Variants in ZNF208 observed in about 807,000 individuals in gnomAD.
ZNF208 encodes zinc finger protein 95.
ZNF208 carries 10 observed loss-of-function variants against 12.1 expected under a neutral mutation model. That is an observed-to-expected ratio of 0.83 (90% CI 0.51 to 1.40). The LOEUF (loss-of-function observed/expected upper bound fraction) is 1.40. Among genes scored for constraint, ZNF208 ranks in the 40% most tolerant of loss-of-function variants. ZNF208 has a pLI of 0.00. For missense variants in ZNF208, 1,652 were observed against 1,485.0 expected, an observed-to-expected ratio of 1.11 and a Z score of -1.85; for synonymous variants, 497 against 488.4, an observed-to-expected ratio of 1.02 and a Z score of -0.23.
intron 1 of ZNF208, among the ~76,000 whole-genome samples, chr19:21,990,509 T>G (rs1970713319): frequency 6.6e-6 from 1 of 152,006 alleles, no homozygotes. Context: ...TGTAGTATAG[T>G]TTGAAGTCAG....
At chr19:21,963,621 A>C (rs1970114268), downstream of ZNF208, among the ~76,000 whole-genome samples, 1 of 151,950 alleles carries the variant, frequency 6.6e-6, no homozygotes, top group African/African-American at 2.4e-5. Flanking sequence ...TTGAACTGTC[A>C]TTTGCATAGC....
At chr19:21,976,441 TGA>T (rs1284279152) in intron 3 of ZNF208, among the ~76,000 whole-genome samples, 4 of 151,694 alleles carry the variant, frequency 2.6e-5, no homozygotes, top group African/African-American at 4.9e-5. Context: ...AAAGAGAAAA[TGA>T]GAGACAAGAT....
chr19:22,009,174 T>C (rs1383153634), intron 1 of ZNF208, among the ~76,000 whole-genome samples: 1 of 152,130 alleles, frequency 6.6e-6, no homozygotes, highest in Non-Finnish European at 1.5e-5. Context: ...CAAAAAATGA[T>C]TACAATAGGT....
chr19:21,981,417 A>G (rs1970535486), intron 3 of ZNF208, among the ~76,000 whole-genome samples: 1 of 152,188 alleles, frequency 6.6e-6, no homozygotes, highest in South Asian at 2.1e-4. Flanking sequence ...ACACAAATCA[A>G]TAAACATAAT....
chr19:21,949,697 A>G (rs1397985623), intron 4 of ZNF208, among the ~76,000 whole-genome samples: 1 of 152,152 alleles, frequency 6.6e-6, no homozygotes, highest in Admixed American at 6.5e-5. Context: ...GAAGTTAATG[A>G]CCCTGGGAGT....
At chr19:21,956,813 C>T (rs112882159) in intron 4 of ZNF208, among the ~76,000 whole-genome samples, 6 of 152,124 alleles carry the variant, frequency 3.9e-5, no homozygotes, top group African/African-American at 4.8e-5. Flanking sequence ...CACCCTGCTT[C>T]GGCTCACACT....
intron 4 of ZNF208, among the ~76,000 whole-genome samples, chr19:21,951,550 G>A (rs950358879): frequency 3.9e-5 from 6 of 152,072 alleles, no homozygotes; most frequent in Non-Finnish European, 8.8e-5. Flanking sequence ...TAAATTCAAA[G>A]GAATATCATA....
chr19:22,003,959 AG>A (rs1242277425), intron 1 of ZNF208, among the ~76,000 whole-genome samples: 1 of 152,036 alleles, frequency 6.6e-6, no homozygotes. Context: ...GCCTGAGCTC[AG>A]GGGTTTGAGA....
intron 3 of ZNF208, among the ~76,000 whole-genome samples, chr19:21,980,754 CA>C (rs762366991): frequency 6.6e-6 from 1 of 151,698 alleles, no homozygotes; most frequent in African/African-American, 2.4e-5. Flanking sequence ...AAAAATCCTT[CA>C]AAAAAATCAA....
At chr19:22,006,158 C>T (rs1248684317) in intron 1 of ZNF208, among the ~76,000 whole-genome samples, 4 of 152,172 alleles carry the variant, frequency 2.6e-5, no homozygotes, top group African/African-American at 7.2e-5. Flanking sequence ...GTCTGAAGAA[C>T]ACTCCTAAGA....
downstream of ZNF208, chr19:21,965,689 A>G (rs190515101): frequency 2.9e-4 from 44 of 152,176 alleles, no homozygotes; most frequent in Admixed American, 1.0e-3. Context: ...TTATTTTTGG[A>G]ATACAACCAT....
chr19:21,943,698 G>A (rs757082454), intron 4 of ZNF208, among the ~76,000 whole-genome samples: 6 of 152,090 alleles, frequency 3.9e-5, no homozygotes, highest in African/African-American at 9.7e-5. Context: ...AGATAGGATG[G>A]TCATTTCTAA....
At chr19:21,965,705 T>C (rs1267876672), downstream of ZNF208, 2 of 151,892 alleles carry the variant, frequency 1.3e-5, no homozygotes, top group Admixed American at 6.6e-5. Context: ...ACCATAAGAC[T>C]TTTGTGCTTT....
chr19:21,983,365 G>GAGA (rs140186906), intron 3 of ZNF208, among the ~76,000 whole-genome samples: 92,327 of 151,496 alleles, frequency 0.61, 28,665 homozygotes, highest in African/African-American at 0.71. Flanking sequence ...ACAGATGCTG[G>GAGA]AGATGTGGAG....
intron 4 of ZNF208, among the ~76,000 whole-genome samples, chr19:21,946,204 A>G (rs1969813577): frequency 6.6e-6 from 1 of 152,188 alleles, no homozygotes; most frequent in Non-Finnish European, 1.5e-5. Flanking sequence ...TTTATAAATT[A>G]TTACTTTAGC....
At chr19:21,978,529 A>G (rs1358981954) in intron 3 of ZNF208, among the ~76,000 whole-genome samples, 1 of 152,210 alleles carries the variant, frequency 6.6e-6, no homozygotes, top group African/African-American at 2.4e-5. Flanking sequence ...TAGAAGTAAC[A>G]TCTCCAAAAG....
chr19:21,953,859 T>A (rs981045628), intron 4 of ZNF208, among the ~76,000 whole-genome samples: 1 of 152,216 alleles, frequency 6.6e-6, no homozygotes. Context: ...ATCTTAGTTA[T>A]TTCTTGCCTT....
chr19:21,941,432 A>G (rs889563874), intron 4 of ZNF208: 9 of 398,976 alleles, frequency 2.3e-5, no homozygotes, highest in Middle Eastern at 5.1e-4. Flanking sequence ...TCCCTAGGAC[A>G]GTAAATACCA....
chr19:21,957,127 C>G (rs1969989616), intron 4 of ZNF208, among the ~76,000 whole-genome samples: 1 of 152,180 alleles, frequency 6.6e-6, no homozygotes, highest in Non-Finnish European at 1.5e-5. Flanking sequence ...GCAACCTCTG[C>G]CTCCCAGGTT....
Sources: allele counts gnomAD v4.1 joint callset (sites outside exome capture counted in the v4.1 genomes callset), GRCh38; gene constraint gnomAD v4.1.1; transcripts MANE v1.5; gene names NCBI Gene and HGNC (gene_info 2026-07-23, HGNC 2026-07-21).